The following PPP2R2C variants were observed in gnomAD, a reference collection of about 807,000 sequenced individuals.
PPP2R2C encodes protein phosphatase 2 regulatory subunit Bgamma.
PPP2R2C carries 10 observed loss-of-function variants against 45.3 expected under a neutral mutation model. That is an observed-to-expected ratio of 0.22 (90% CI 0.14 to 0.37). The LOEUF (loss-of-function observed/expected upper bound fraction) is 0.37, where lower values mean the gene tolerates loss of function less well. Among genes scored for constraint, PPP2R2C ranks in the 10% least tolerant of loss-of-function variants. PPP2R2C has a pLI of 1.00. For synonymous variants in PPP2R2C, 257 were observed against 245.4 expected (o/e 1.05, Z -0.44); for missense variants, 308 against 619.7 (o/e 0.50, Z 5.34).
chr4:6,389,113 C>T (rs1716426035), intron 1 of PPP2R2C, among the ~76,000 whole-genome samples: 1 of 152,222 alleles, frequency 6.6e-6, no homozygotes, highest in Non-Finnish European at 1.5e-5. Context: ...ACCCAAATCT[C>T]TTGCCCTCTC....
In PPP2R2C at chr4:6,411,639, G is replaced by A. The variant is rs575646400; in HGVS notation, c.71-30545C>T. Among the ~76,000 whole-genome samples the A allele has an allele frequency of 3.4e-5, 5 of 149,178 alleles. No individual in the cohort carries two copies. In the East Asian group the frequency reaches 6.0e-4, roughly 18 times the overall value. ...GCAATCTCAGCTCACTGCAAGCTCC[G>A]CCTCCTGGGCTCACGCCATTCTCCT... On this transcript the variant is annotated intron_variant, in intron 1 of 8. Coordinates refer to ENST00000382599, the MANE Select transcript of PPP2R2C (RefSeq NM_020416.4).
At chr4:6,389,873 G>C (rs1029643438) in intron 1 of PPP2R2C, among the ~76,000 whole-genome samples, 1 of 152,166 alleles carries the variant, frequency 6.6e-6, no homozygotes, top group African/African-American at 2.4e-5. Flanking sequence ...TTGGATTCCA[G>C]CGGTCTGCCT....
At chr4:6,353,284 C>G in intron 5 of PPP2R2C, among the ~76,000 whole-genome samples, 1 of 120,704 alleles carries the variant, frequency 8.3e-6, no homozygotes, top group East Asian at 2.9e-4. Context: ...ACAGTCCCCC[C>G]ACACCGACAG....
chr4:6,487,720 GC>G (rs1163920362), intron 2 of PPP2R2C, among the ~76,000 whole-genome samples: 1 of 151,960 alleles, frequency 6.6e-6, no homozygotes, highest in Non-Finnish European at 1.5e-5. Flanking sequence ...TGCTTGTGGG[GC>G]AATGAAATTC....
intron 1 of PPP2R2C, among the ~76,000 whole-genome samples, chr4:6,424,723 G>A (rs1427035817): frequency 1.3e-5 from 2 of 152,204 alleles, no homozygotes; most frequent in Non-Finnish European, 2.9e-5. Flanking sequence ...CAAGGGTTCA[G>A]GGATGGGACC....
intron 2 of PPP2R2C, among the ~76,000 whole-genome samples, chr4:6,523,275 G>C (rs1016212255): frequency 6.6e-6 from 1 of 152,176 alleles, no homozygotes; most frequent in Non-Finnish European, 1.5e-5. Context: ...AAGAACACAA[G>C]ACTTCAGAGT....
chr4:6,365,412 T>C (rs1288008563), intron 5 of PPP2R2C, among the ~76,000 whole-genome samples: 1 of 152,214 alleles, frequency 6.6e-6, no homozygotes, highest in Non-Finnish European at 1.5e-5. Flanking sequence ...GTGGGTCATG[T>C]GCTGGTGAGG....
At chr4:6,442,031 C>T (rs1369395733) in intron 1 of PPP2R2C, among the ~76,000 whole-genome samples, 8 of 152,334 alleles carry the variant, frequency 5.3e-5, no homozygotes, top group Non-Finnish European at 8.8e-5. Context: ...CAAAGCCAAA[C>T]GGTGTCCGTG....
intron 2 of PPP2R2C, among the ~76,000 whole-genome samples, chr4:6,526,742 G>A (rs956364608): frequency 6.6e-6 from 1 of 152,224 alleles, no homozygotes; most frequent in East Asian, 1.9e-4. Context: ...GAAAGAGGTA[G>A]AGGGGTGAGA....
chr4:6,375,682 C>A, intron 4 of PPP2R2C, 137 bp downstream of exon 4: 3 of 684,444 alleles, frequency 4.4e-6, no homozygotes, highest in Non-Finnish European at 7.6e-6. Flanking sequence ...AGGAAGACGC[C>A]CGTGGCCGCC....
At chr4:6,352,199 G>A (rs901289612) in intron 5 of PPP2R2C, among the ~76,000 whole-genome samples, 7 of 151,916 alleles carry the variant, frequency 4.6e-5, no homozygotes, top group African/African-American at 1.7e-4. Context: ...GAAGCTGAGG[G>A]CCCCCGGCTG....
At chr4:6,554,010 C>T (rs746594900) in intron 1 of PPP2R2C, among the ~76,000 whole-genome samples, 15 of 152,244 alleles carry the variant, frequency 9.9e-5, no homozygotes, top group South Asian at 2.1e-4. Flanking sequence ...AAACACACCA[C>T]GCCTAATGAA....
chr4:6,488,232 T>A (rs80044583), intron 2 of PPP2R2C, among the ~76,000 whole-genome samples: 1 of 152,358 alleles, frequency 6.6e-6, no homozygotes, highest in East Asian at 1.9e-4. Flanking sequence ...TGACTTTTCC[T>A]TCATTATGAT....
chr4:6,380,720 C>T (rs969331969), intron 2 of PPP2R2C, among the ~76,000 whole-genome samples: 27 of 151,952 alleles, frequency 1.8e-4, no homozygotes, highest in African/African-American at 6.0e-4. Context: ...CCACCCAGTG[C>T]ACTCCCCCTA....
Position 6,549,405 on chromosome 4 carries a change from G to A in PPP2R2C, c.-58-14028C>T, listed in dbSNP as rs1221763471. Among the ~76,000 whole-genome samples, 18 of 152,172 alleles carry A rather than the reference G, an allele frequency of 1.2e-4. 1 individual carries two copies. The highest frequency in any genetic ancestry group is 1.2e-3 in the Admixed American group (18 of 15,280). ...CTCCAGATGGAGGGTGGTCCGGGGA[G>A]GCCTCCCGGAGGAGGTGACTTTTCA... is the stretch of plus-strand genomic sequence containing the variant. On this transcript the variant is annotated intron_variant, in intron 1 of 9. Transcript: ENST00000506140.
upstream of PPP2R2C, among the ~76,000 whole-genome samples, chr4:6,472,851 T>C (rs1721988873): frequency 1.3e-5 from 2 of 151,320 alleles, no homozygotes; most frequent in South Asian, 4.2e-4. Flanking sequence ...GTACCTTGGG[T>C]GCCCAGGTGC....
chr4:6,553,038 C>G (rs1051143975), intron 1 of PPP2R2C, among the ~76,000 whole-genome samples: 8 of 152,176 alleles, frequency 5.3e-5, no homozygotes, highest in Admixed American at 5.2e-4. Flanking sequence ...ACCAAGGAAG[C>G]ATTTGGGGCA....
At chr4:6,547,546 C>T (rs568242343) in intron 1 of PPP2R2C, among the ~76,000 whole-genome samples, 5 of 152,166 alleles carry the variant, frequency 3.3e-5, no homozygotes, top group East Asian at 1.9e-4. Flanking sequence ...GAAAAACAGG[C>T]CTGAGGCTCA....
chr4:6,408,241 AC>A (rs777113621), intron 1 of PPP2R2C, among the ~76,000 whole-genome samples: 2 of 152,134 alleles, frequency 1.3e-5, no homozygotes, highest in Non-Finnish European at 2.9e-5. Context: ...AGAGACCTAG[AC>A]CCCCAAAAGG....
Sources: allele counts gnomAD v4.1 joint callset (sites outside exome capture counted in the v4.1 genomes callset), GRCh38; gene constraint gnomAD v4.1.1; transcripts MANE v1.5; gene names NCBI Gene and HGNC (gene_info 2026-07-23, HGNC 2026-07-21).